The following DIP2C variants were observed in gnomAD, a reference collection of about 807,000 sequenced individuals.
DIP2C encodes the protein disco-interacting protein 2 homolog C.
A neutral mutation model predicts 192.4 loss-of-function variants in DIP2C; 33 were observed. The observed-to-expected ratio is 0.17, with a 90% CI of 0.13 to 0.23. DIP2C has a LOEUF of 0.23. DIP2C is among the 10% of genes least tolerant of loss of function. The pLI is 1.00. For missense variants in DIP2C, 1,537 were observed against 2,110.1 expected (o/e 0.73, Z 5.32); for synonymous variants, 979 against 864.1 (o/e 1.13, Z -2.33).
At chr10:374,817 C>T (rs910625056) in intron 17 of DIP2C, among the ~76,000 whole-genome samples, 1 of 152,138 alleles carries the variant, frequency 6.6e-6, no homozygotes, top group Non-Finnish European at 1.5e-5. Flanking sequence ...AGGCAGAATT[C>T]GAGGGGGTTT....
intron 4 of DIP2C, among the ~76,000 whole-genome samples, chr10:427,763 C>T (rs1364544947): frequency 2.0e-5 from 3 of 152,178 alleles, no homozygotes; most frequent in East Asian, 1.9e-4. Context: ...AAAATACCAA[C>T]TGCTTCTCAT....
rs367981129 is a variant in DIP2C at position 304,783 on chromosome 10, ACT to A, written c.3986+5246_3986+5247del. The stretch of plus-strand genomic sequence containing the variant: ...CAGTACACTACACTCACACATGCAA[ACT>A]CACACTTGCACACACATGCACATGG... On this transcript the variant is annotated intron_variant, in intron 32 of 36. Transcript: ENST00000280886. Among the ~76,000 whole-genome samples the A allele has an allele frequency of 1.8e-3, 277 of 151,592 alleles. 1 individual carries two copies. Among genetic ancestry groups the A allele is most frequent in the African/African-American group, 6.4e-3 (265 of 41,380 alleles).
chr10:628,855 C>T (rs1854347922), intron 1 of DIP2C: 2 of 152,324 alleles, frequency 1.3e-5, no homozygotes, highest in Non-Finnish European at 2.9e-5. Flanking sequence ...GAAGGGCATC[C>T]CTGACACTCC....
intron 1 of DIP2C, among the ~76,000 whole-genome samples, chr10:534,709 G>A (rs1024661817): frequency 1.1e-4 from 16 of 145,630 alleles, no homozygotes; most frequent in African/African-American, 3.4e-4. Flanking sequence ...TCGCTCTGTC[G>A]CCCAGGCCGG....
In DIP2C at chr10:362,553, T is replaced by C; in HGVS notation, c.2731A>G (p.Asn911Asp). Reference protein sequence around the residue: ...LFLEGSLHPCNVLMCPHTCVT... With the variant: ...LFLEGSLHPCDVLMCPHTCVT... Reference sequence around the variant, plus strand: ...CAGGTGTGGGGGCACATTAGGACATTGCAGGGGTGCAGAGAGCCCTCCAGA... The same window carrying C: ...CAGGTGTGGGGGCACATTAGGACATCGCAGGGGTGCAGAGAGCCCTCCAGA... Residue 911 changes from asparagine (N) to aspartate (D), a missense_variant, in exon 22 of 37, where the codon AAT becomes GAT. Asn to Asp is a conservative substitution (Grantham distance 23). Transcript: ENST00000280886. 1 of 1,614,102 alleles carries C rather than the reference T, an allele frequency of 6.2e-7. No homozygotes were observed. Among genetic ancestry groups the C allele is most frequent in the Non-Finnish European group, 8.5e-7 (1 of 1,179,980 alleles).
chr10:510,246 T>G (rs1008689038), intron 1 of DIP2C, among the ~76,000 whole-genome samples: 1 of 152,186 alleles, frequency 6.6e-6, no homozygotes, highest in Non-Finnish European at 1.5e-5. Flanking sequence ...AGTTTAGAGA[T>G]GAGGAAAATG....
chr10:349,020 T>C (rs1264073002), intron 25 of DIP2C, among the ~76,000 whole-genome samples: 1 of 152,268 alleles, frequency 6.6e-6, no homozygotes, highest in African/African-American at 2.4e-5. Flanking sequence ...CCCACCTTTG[T>C]AACTGTGAAT....
rs1263339426 is a variant in DIP2C, at chr10:651,512, GAAGGTATT to G, written c.85+37974_85+37981del. On this transcript the variant is annotated intron_variant, in intron 1 of 36. Transcript: ENST00000280886. The surrounding 1 kb of genome is among the most constrained non-coding windows in gnomAD (Gnocchi z 4.1). ...ATTATATGAAAATCCGTATCCACGT[GAAGGTATT>G]ATGCAAAAAAAGCTTAACTTTGTTT... The G allele has an allele frequency of 7.5e-6, 4 of 536,346 alleles. No homozygotes were observed. The highest frequency in any genetic ancestry group is 1.9e-5 in the African/African-American group (1 of 52,980). The allele number at this position is 536,346 out of a possible 1,614,324, so 33.2% of individuals were successfully genotyped here.
chr10:542,407 A>G (rs755164107), intron 1 of DIP2C, among the ~76,000 whole-genome samples: 4 of 152,190 alleles, frequency 2.6e-5, no homozygotes, highest in Non-Finnish European at 5.9e-5. Context: ...TACTTCCAAC[A>G]CTGGGGAAAA....
intron 1 of DIP2C, among the ~76,000 whole-genome samples, chr10:597,417 C>A (rs1851774333): frequency 1.3e-5 from 2 of 152,036 alleles, no homozygotes; most frequent in South Asian, 4.2e-4. Context: ...AAGTGGTCTT[C>A]AGAGTTTCCT....
intron 1 of DIP2C, among the ~76,000 whole-genome samples, chr10:531,094 C>A (rs1847342201): frequency 6.6e-6 from 1 of 152,172 alleles, no homozygotes; most frequent in Admixed American, 6.5e-5. Context: ...CGTCTGCGCC[C>A]AACAGCTCAT....
At chr10:411,428 C>CA (rs1965179357) in intron 8 of DIP2C, among the ~76,000 whole-genome samples, 1 of 152,216 alleles carries the variant, frequency 6.6e-6, no homozygotes, top group African/African-American at 2.4e-5. Context: ...CAAGTTTATT[C>CA]AGTTGTGGCT....
In DIP2C at chr10:384,154, G is replaced by C. The variant is rs2132897024; in HGVS notation, c.1757-8C>G. The C allele has an allele frequency of 6.2e-7, 1 of 1,600,928 alleles. No homozygotes were observed. Among genetic ancestry groups the C allele is most frequent in the Non-Finnish European group, 8.5e-7 (1 of 1,175,674 alleles). On this transcript the variant is annotated splice_region_variant and splice_polypyrimidine_tract_variant and intron_variant, in intron 15 of 36. Transcript: ENST00000280886. Reference sequence around the variant, plus strand: ...TCACACACGCCACTTTTGCTAAAAAGAAAAATAGAAATAAGTTAACATGTG... The same window carrying C: ...TCACACACGCCACTTTTGCTAAAAACAAAAATAGAAATAAGTTAACATGTG...
chr10:665,489 A>G (rs557962563), intron 1 of DIP2C: 2 of 152,230 alleles, frequency 1.3e-5, no homozygotes, highest in African/African-American at 2.4e-5. Flanking sequence ...GAAACTTCAC[A>G]TAAGAAACAC....
chr10:375,840 A>G (rs1255905985), intron 17 of DIP2C, among the ~76,000 whole-genome samples: 1 of 148,718 alleles, frequency 6.7e-6, no homozygotes, highest in African/African-American at 2.5e-5. Context: ...CATTTGCTGA[A>G]TCCCTTAAGC....
chr10:442,652 G>C (rs989028031), intron 3 of DIP2C, among the ~76,000 whole-genome samples: 1 of 152,020 alleles, frequency 6.6e-6, no homozygotes, highest in African/African-American at 2.4e-5. Context: ...TGCTCTCCCC[G>C]CTCCCCCATG....
At chr10:669,915 A>G (rs990097283) in intron 1 of DIP2C, among the ~76,000 whole-genome samples, 1 of 152,238 alleles carries the variant, frequency 6.6e-6, no homozygotes, top group Non-Finnish European at 1.5e-5. Flanking sequence ...GAATTTATTC[A>G]TTTAATATGA....
intron 1 of DIP2C, chr10:662,659 C>G: frequency 1.8e-6 from 1 of 556,176 alleles, no homozygotes; most frequent in East Asian, 2.9e-5. Flanking sequence ...ATTTTTTTTT[C>G]TTTTTCATCT....
chr10:579,459 G>A lies in DIP2C; in HGVS notation c.86-92929C>T, dbSNP rs550088067. Among the ~76,000 whole-genome samples the A allele has an allele frequency of 4.3e-4, 65 of 151,226 alleles. 1 individual carries two copies. The East Asian group carries it at 5.5e-3, about 13-fold the overall frequency. On this transcript the variant is annotated intron_variant, in intron 1 of 36. Coordinates refer to ENST00000280886, the MANE Select transcript of DIP2C (RefSeq NM_014974.3). ...TATAACACATGTGTACATGCATAGA[G>A]CGTACACACATACAGATCCAGTGTA...
Sources: allele counts gnomAD v4.1 joint callset (sites outside exome capture counted in the v4.1 genomes callset), GRCh38; gene constraint gnomAD v4.1.1; non-coding constraint Gnocchi (gnomAD v3.1); transcripts MANE v1.5; gene names NCBI Gene and HGNC (gene_info 2026-07-23, HGNC 2026-07-21).